ZFHX3: variants seen among roughly 807,000 people sequenced by gnomAD.
ZFHX3 encodes zinc finger homeobox protein 3.
In ZFHX3, 42 loss-of-function variants were observed where a neutral mutation model predicts 279.1. The observed-to-expected ratio is 0.15, with a 90% confidence interval of 0.12 to 0.19. ZFHX3 has a LOEUF of 0.19. Among genes scored for constraint, ZFHX3 ranks in the 10% least tolerant of loss-of-function variants. ZFHX3 has a pLI of 1.00. For missense variants in ZFHX3, 4,981 were observed against 4,754.0 expected (o/e 1.05, Z -1.40); for synonymous variants, 2,293 against 1,957.8 (o/e 1.17, Z -4.52).
At chr16:73,151,063 G>GA (rs1200743691) in intron 5 of ZFHX3, among the ~76,000 whole-genome samples, 1 of 152,124 alleles carries the variant, frequency 6.6e-6, no homozygotes, top group Non-Finnish European at 1.5e-5. Flanking sequence ...CATGCTAAAT[G>GA]AAAGAAGCCA....
chr16:73,805,849 G>A (rs1301905756), intron 1 of ZFHX3, among the ~76,000 whole-genome samples: 1 of 152,204 alleles, frequency 6.6e-6, no homozygotes, highest in Non-Finnish European at 1.5e-5. Flanking sequence ...TTCGGCTCAG[G>A]TGGTCATAGA....
intron 5 of ZFHX3, among the ~76,000 whole-genome samples, chr16:73,256,453 A>T (rs1430232164): frequency 6.6e-6 from 1 of 152,200 alleles, no homozygotes; most frequent in African/African-American, 2.4e-5. Flanking sequence ...GCGGTTCTCA[A>T]ATATTACTGA....
chr16:73,434,559 C>T lies in ZFHX3; in HGVS notation c.-1291+21444G>A, dbSNP rs1316745827. The stretch of plus-strand genomic sequence containing the variant: ...AAATTTCAAGTTCCTGGCTTCTCTC[C>T]CTACCCCTTTCCACTTGACTTTGTG... On this transcript the variant is annotated intron_variant, in intron 3 of 17. Coordinates refer to the ZFHX3 transcript ENST00000641206. Among the ~76,000 whole-genome samples, 6 of 152,164 alleles carry T rather than the reference C, an allele frequency of 3.9e-5. No homozygotes were observed. In the East Asian group the frequency reaches 1.2e-3, roughly 29 times the overall value.
chr16:73,572,061 C>G (rs1464479433), intron 2 of ZFHX3, among the ~76,000 whole-genome samples: 2 of 151,692 alleles, frequency 1.3e-5, no homozygotes, highest in African/African-American at 2.4e-5. Context: ...ACACAAGCCT[C>G]TCTTAACAGC....
chr16:73,878,320 A>G (rs1351483989), intron 1 of ZFHX3, among the ~76,000 whole-genome samples: 4 of 152,166 alleles, frequency 2.6e-5, no homozygotes, highest in African/African-American at 9.6e-5. Flanking sequence ...AGAGGTGATT[A>G]CTTTTTATAA....
intron 4 of ZFHX3, among the ~76,000 whole-genome samples, chr16:72,849,623 C>A (rs1402456770): frequency 6.6e-6 from 1 of 152,098 alleles, no homozygotes; most frequent in African/African-American, 2.4e-5. Context: ...TGGATGAAAT[C>A]TTTATTGGTG....
intron 1 of ZFHX3, among the ~76,000 whole-genome samples, chr16:73,735,515 A>G (rs1401817393): frequency 1.3e-5 from 2 of 152,144 alleles, no homozygotes; most frequent in African/African-American, 4.8e-5. Flanking sequence ...ACAATAAAAC[A>G]ACTTTTAATA....
At chr16:73,422,226 C>T (rs527388069) in intron 3 of ZFHX3, among the ~76,000 whole-genome samples, 1 of 150,008 alleles carries the variant, frequency 6.7e-6, no homozygotes, top group Non-Finnish European at 1.5e-5. Flanking sequence ...TTTGGGAGGC[C>T]ACCTCTGCAG....
chr16:73,173,008 GTTT>G (rs869289153), intron 5 of ZFHX3, among the ~76,000 whole-genome samples: 1 of 49,946 alleles, frequency 2.0e-5, no homozygotes, highest in Admixed American at 4.0e-4. Flanking sequence ...TTTTTTTTTT[GTTT>G]TTTTTTTTTT....
At chr16:73,444,289 T>G (rs111400646) in intron 3 of ZFHX3, among the ~76,000 whole-genome samples, 1 of 152,228 alleles carries the variant, frequency 6.6e-6, no homozygotes, top group Non-Finnish European at 1.5e-5. Flanking sequence ...ACTTCTGAGG[T>G]ACACTTGCCT....
intron 4 of ZFHX3, among the ~76,000 whole-genome samples, chr16:72,868,655 C>G (rs186568869): frequency 6.6e-6 from 1 of 152,222 alleles, no homozygotes; most frequent in Non-Finnish European, 1.5e-5. Context: ...CCTTTATACA[C>G]TGGCAGATCT....
chr16:73,741,225 T>A (rs1354571447), intron 1 of ZFHX3, among the ~76,000 whole-genome samples: 1 of 152,032 alleles, frequency 6.6e-6, no homozygotes, highest in Non-Finnish European at 1.5e-5. Flanking sequence ...CCACCTTTTA[T>A]AATAAAATGG....
intron 1 of ZFHX3, among the ~76,000 whole-genome samples, chr16:73,033,949 G>C (rs549740310): frequency 1.3e-5 from 2 of 152,124 alleles, no homozygotes; most frequent in Admixed American, 6.5e-5. Flanking sequence ...TCTTCTCTAG[G>C]GTACATTTCA....
chr16:73,621,584 G>C (rs1293766486), intron 2 of ZFHX3, among the ~76,000 whole-genome samples: 1 of 152,160 alleles, frequency 6.6e-6, no homozygotes, highest in Non-Finnish European at 1.5e-5. Context: ...CACAGCATCG[G>C]GGAGGGAGAA....
intron 2 of ZFHX3, among the ~76,000 whole-genome samples, chr16:73,657,945 C>A (rs1259302285): frequency 8.5e-5 from 13 of 152,152 alleles, no homozygotes; most frequent in Non-Finnish European, 1.3e-4. Flanking sequence ...ACTTACTTTT[C>A]TCTTGGGTAT....
At chr16:73,318,053 A>G (rs1311857986) in intron 4 of ZFHX3, among the ~76,000 whole-genome samples, 4 of 152,186 alleles carry the variant, frequency 2.6e-5, no homozygotes, top group Admixed American at 2.0e-4. Context: ...CAAATGCCAA[A>G]CCAGAAGTGC....
At chr16:73,835,173 TC>T (rs1450561721) in intron 1 of ZFHX3, among the ~76,000 whole-genome samples, 1 of 152,104 alleles carries the variant, frequency 6.6e-6, no homozygotes, top group Non-Finnish European at 1.5e-5. Context: ...GACAAAGTAC[TC>T]CCCAAAGAGG....
At position 73,361,812 on chromosome 16, in the gene ZFHX3, C is replaced by T. The variant is rs112858404; in HGVS notation, c.-1290-43476G>A. Reference sequence around the variant, plus strand: ...ACTTTGGGGCAATATTGTAAGTGACCGCCTTGATGTATTTGAAGATGAAGG... The same window carrying T: ...ACTTTGGGGCAATATTGTAAGTGACTGCCTTGATGTATTTGAAGATGAAGG... On this transcript the variant is annotated intron_variant, in intron 3 of 17. Coordinates refer to the ZFHX3 transcript ENST00000641206. Among the ~76,000 whole-genome samples, 37 of 152,198 alleles carry T rather than the reference C, an allele frequency of 2.4e-4. No individual in the cohort carries two copies. In the Middle Eastern group the frequency reaches 0.014, roughly 56 times the overall value.
At chr16:73,039,041 T>TG (rs918321684) in intron 1 of ZFHX3, among the ~76,000 whole-genome samples, 23 of 151,072 alleles carry the variant, frequency 1.5e-4, no homozygotes, top group African/African-American at 5.4e-4. Flanking sequence ...CTCAAACCTC[T>TG]GGGCTCAAGA....
Sources: gnomAD v4.1 joint callset for allele counts (sites outside exome capture counted in the v4.1 genomes callset) on GRCh38, gnomAD v4.1.1 for gene constraint, MANE v1.5 for transcripts, NCBI Gene and HGNC (gene_info 2026-07-23, HGNC 2026-07-21) for gene names.